The following ARHGAP26 variants were observed in gnomAD, a reference collection of about 807,000 sequenced individuals.
ARHGAP26 encodes Rho GTPase activating protein 26.
In ARHGAP26, 38 loss-of-function variants were observed where a neutral mutation model predicts 104.8. That is an observed-to-expected ratio of 0.36 (90% CI 0.28 to 0.48). ARHGAP26 has a LOEUF of 0.48. Ranked by LOEUF, ARHGAP26 falls within the 20% of genes least tolerant of loss-of-function variation. ARHGAP26 has a pLI of 0.99. For missense variants in ARHGAP26, 704 were observed against 947.9 expected (o/e 0.74, Z 3.38); for synonymous variants, 341 against 340.0 (o/e 1.00, Z -0.03).
At chr5:142,965,024 G>A (rs1598414374) in intron 11 of ARHGAP26, among the ~76,000 whole-genome samples, 1 of 152,228 alleles carries the variant, frequency 6.6e-6, no homozygotes, top group African/African-American at 2.4e-5. Flanking sequence ...TGGGTCACAT[G>A]TCCACTGGAC....
chr5:143,102,612 G>A (rs1049171149), intron 17 of ARHGAP26, among the ~76,000 whole-genome samples: 5 of 152,230 alleles, frequency 3.3e-5, no homozygotes, highest in Admixed American at 6.5e-5. Flanking sequence ...TGCCTGTTGC[G>A]TCGCCCATCC....
chr5:142,951,976 C>T (rs781726974), intron 11 of ARHGAP26, among the ~76,000 whole-genome samples: 2 of 152,220 alleles, frequency 1.3e-5, no homozygotes, highest in Non-Finnish European at 2.9e-5. Flanking sequence ...CCTTCCTCAC[C>T]TCTTCCAGTT....
intron 5 of ARHGAP26, among the ~76,000 whole-genome samples, chr5:142,891,398 T>A (rs1758643278): frequency 6.6e-6 from 1 of 151,998 alleles, no homozygotes; most frequent in South Asian, 2.1e-4. Context: ...AGAATGTCCA[T>A]TGCTGTGGGA....
chr5:143,082,936 T>C (rs1790025183), intron 17 of ARHGAP26, among the ~76,000 whole-genome samples: 1 of 152,250 alleles, frequency 6.6e-6, no homozygotes, highest in South Asian at 2.1e-4. Flanking sequence ...GTAGCTCATT[T>C]TTATTTTGGT....
At chr5:143,206,884 G>C (rs988715569) in intron 20 of ARHGAP26, among the ~76,000 whole-genome samples, 6 of 152,252 alleles carry the variant, frequency 3.9e-5, no homozygotes, top group Non-Finnish European at 7.3e-5. Context: ...TAGCACGTGG[G>C]TGTGGGAACT....
At chr5:143,094,296 C>T (rs1286067182) in intron 17 of ARHGAP26, among the ~76,000 whole-genome samples, 1 of 152,194 alleles carries the variant, frequency 6.6e-6, no homozygotes, top group Non-Finnish European at 1.5e-5. Context: ...TGCACAGAGT[C>T]GTTGCCACAG....
At chr5:142,900,384 C>T (rs538001957) in intron 6 of ARHGAP26, among the ~76,000 whole-genome samples, 5 of 152,056 alleles carry the variant, frequency 3.3e-5, no homozygotes, top group African/African-American at 4.8e-5. Context: ...AGCCAGAGGA[C>T]CCAGCAATGC....
chr5:142,813,443 AGT>A (rs1417110867), intron 1 of ARHGAP26, among the ~76,000 whole-genome samples: 3 of 151,616 alleles, frequency 2.0e-5, no homozygotes, highest in Non-Finnish European at 4.4e-5. Context: ...CCCTTCAAAG[AGT>A]GGGAGGGAAC....
chr5:143,059,506 T>C (rs139748651), intron 17 of ARHGAP26, among the ~76,000 whole-genome samples: 24 of 152,370 alleles, frequency 1.6e-4, no homozygotes, highest in African/African-American at 5.3e-4. Context: ...TCTTGAACAG[T>C]TGAACTTGTT....
intron 17 of ARHGAP26, among the ~76,000 whole-genome samples, chr5:143,109,357 A>G (rs1212518345): frequency 6.6e-6 from 1 of 152,222 alleles, no homozygotes; most frequent in Admixed American, 6.5e-5. Flanking sequence ...TTAAATATGA[A>G]CAGTACTGTA....
At chr5:143,075,954 C>G (rs1055634882) in intron 17 of ARHGAP26, among the ~76,000 whole-genome samples, 2 of 151,772 alleles carry the variant, frequency 1.3e-5, no homozygotes, top group Admixed American at 1.3e-4. Context: ...CCACCTCATC[C>G]TTCCAGAGTG....
rs114374231 is a variant in ARHGAP26 at position 143,154,746 on chromosome 5, C to G, written c.1988+7365C>G. On this transcript the variant is annotated intron_variant, in intron 20 of 22. Transcript: ENST00000645722. Reference sequence around the variant, plus strand: ...CTGTTCCTGAAAGATTTGGAAACCTCTGAATCCCACAGGGTACCTGATAAT... The same window carrying G: ...CTGTTCCTGAAAGATTTGGAAACCTGTGAATCCCACAGGGTACCTGATAAT... Among the ~76,000 whole-genome samples, 447 of 152,330 alleles carry G rather than the reference C, an allele frequency of 2.9e-3. 1 individual carries two copies. Among genetic ancestry groups the G allele is most frequent in the African/African-American group, 0.01 (429 of 41,574 alleles).
At chr5:142,801,407 A>G (rs560813371) in intron 1 of ARHGAP26, among the ~76,000 whole-genome samples, 230 of 152,194 alleles carry the variant, frequency 1.5e-3, no homozygotes, top group Non-Finnish European at 2.9e-3. Flanking sequence ...TATAATGTAT[A>G]GTGTCACTGT....
At chr5:143,026,215 A>G (rs1781040478) in intron 12 of ARHGAP26, among the ~76,000 whole-genome samples, 3 of 152,124 alleles carry the variant, frequency 2.0e-5, no homozygotes, top group Admixed American at 2.0e-4. Context: ...GAAAACATGG[A>G]TTGTATTTAT....
intron 12 of ARHGAP26, among the ~76,000 whole-genome samples, chr5:143,018,537 C>G (rs1336218226): frequency 6.6e-6 from 1 of 152,176 alleles, no homozygotes; most frequent in African/African-American, 2.4e-5. Flanking sequence ...CCATGAAGAT[C>G]CATTCTTATT....
chr5:143,183,093 A>G (rs1182781944), intron 20 of ARHGAP26, among the ~76,000 whole-genome samples: 1 of 147,176 alleles, frequency 6.8e-6, no homozygotes, highest in Non-Finnish European at 1.5e-5. Context: ...AAAAAAAAAG[A>G]AAAAAAAACC....
chr5:142,973,466 A>G (rs1772576613), intron 11 of ARHGAP26, among the ~76,000 whole-genome samples: 2 of 152,204 alleles, frequency 1.3e-5, no homozygotes, highest in Admixed American at 1.3e-4. Flanking sequence ...ATTTCTAGAG[A>G]TGATACTCAA....
chr5:142,775,548 T>C (rs1756140509), intron 1 of ARHGAP26, among the ~76,000 whole-genome samples: 1 of 152,226 alleles, frequency 6.6e-6, no homozygotes, highest in Non-Finnish European at 1.5e-5. Context: ...TTTCAGCATG[T>C]TCACCATGTT....
At chr5:142,993,161 T>G (rs888612467) in intron 11 of ARHGAP26, among the ~76,000 whole-genome samples, 5 of 97,582 alleles carry the variant, frequency 5.1e-5, no homozygotes, top group Admixed American at 1.2e-4. Flanking sequence ...TTGTGTGGTT[T>G]TTTTTTTTTT....
Sources: gnomAD v4.1 joint callset for allele counts (sites outside exome capture counted in the v4.1 genomes callset) on GRCh38, gnomAD v4.1.1 for gene constraint, MANE v1.5 for transcripts, NCBI Gene and HGNC (gene_info 2026-07-23, HGNC 2026-07-21) for gene names.